The following BLVRA variants were observed in gnomAD, a reference collection of about 807,000 sequenced individuals.
BLVRA encodes biliverdin reductase A.
Under a neutral mutation model 32.8 loss-of-function variants are expected in BLVRA, and 22 were observed. That is an observed-to-expected ratio of 0.67 (90% CI 0.48 to 0.96). The LOEUF (loss-of-function observed/expected upper bound fraction) is 0.96, where lower values mean the gene tolerates loss of function less well. BLVRA is among the 40% of genes least tolerant of loss of function. The probability of loss-of-function intolerance (pLI) is 0.00; values close to 1 mark genes in which losing one functional copy is unlikely to be tolerated. For missense variants in BLVRA, 323 were observed against 358.1 expected, an observed-to-expected ratio of 0.90 and a Z score of 0.79; for synonymous variants, 119 against 141.3, an observed-to-expected ratio of 0.84 and a Z score of 1.12.
intron 5 of BLVRA, among the ~76,000 whole-genome samples, chr7:43,799,006 A>G (rs1563550768): frequency 6.6e-6 from 1 of 152,132 alleles, no homozygotes; most frequent in Non-Finnish European, 1.5e-5. Flanking sequence ...GGGCGAAACT[A>G]CCTGTGAGGA....
chr7:43,794,950 C>T (rs531089838), intron 5 of BLVRA, among the ~76,000 whole-genome samples: 1 of 152,262 alleles, frequency 6.6e-6, no homozygotes, highest in South Asian at 2.1e-4. Flanking sequence ...GTGGCTCATG[C>T]CTGTCATCCC....
chr7:43,805,071 C>T (rs1038055622), intron 7 of BLVRA, among the ~76,000 whole-genome samples: 6 of 152,068 alleles, frequency 3.9e-5, no homozygotes, highest in Admixed American at 1.3e-4. Flanking sequence ...GTTAGGATTG[C>T]AGCCGTGGTC....
Position 43,766,933 on chromosome 7 carries a change from G to A in BLVRA, c.-21-4205G>A, listed in dbSNP as rs531863716. On this transcript the variant is annotated intron_variant, in intron 1 of 7. Transcript: ENST00000265523. ...GATCACTTGAACCCAGGAGTTCGAC[G>A]TTGCAGTGAGCTGTGATCATGCGTG... 8.5e-5 allele frequency among the ~76,000 whole-genome samples: 13 copies of A among 152,266 alleles called. No individual in the cohort carries two copies. The South Asian group carries it at 2.5e-3, about 29-fold the overall frequency.
In BLVRA at chr7:43,800,787, A is replaced by G. The variant is rs373292462; in HGVS notation, c.460+215A>G. Reference sequence around the variant, plus strand: ...GCATATTTGTGCTCTGTCCCAACCTATTAACTAGTTGGAGATTATTTTTCA... The same window carrying G: ...GCATATTTGTGCTCTGTCCCAACCTGTTAACTAGTTGGAGATTATTTTTCA... On this transcript the variant is annotated intron_variant, in intron 6 of 7. Coordinates refer to ENST00000265523, the MANE Select transcript of BLVRA (RefSeq NM_000712.4). Among the ~76,000 whole-genome samples the G allele has an allele frequency of 7.3e-4, 111 of 152,266 alleles. 1 individual carries two copies. In the East Asian group the frequency reaches 0.019, roughly 27 times the overall value.
At chr7:43,769,757 C>T (rs1204765181) in intron 1 of BLVRA, among the ~76,000 whole-genome samples, 5 of 152,036 alleles carry the variant, frequency 3.3e-5, no homozygotes, top group East Asian at 1.9e-4. Context: ...TACAGGCATG[C>T]GCCACCACAC....
intron 1 of BLVRA, among the ~76,000 whole-genome samples, chr7:43,763,617 C>A (rs1163664219): frequency 6.6e-6 from 1 of 152,146 alleles, no homozygotes; most frequent in Non-Finnish European, 1.5e-5. Flanking sequence ...TGCTTTTGAC[C>A]CCTGGCTCTG....
At chr7:43,779,465 T>A (rs1190482767) in intron 2 of BLVRA, among the ~76,000 whole-genome samples, 1 of 152,240 alleles carries the variant, frequency 6.6e-6, no homozygotes, top group Non-Finnish European at 1.5e-5. Context: ...GTAAATTTTA[T>A]AAAAATTTAT....
intron 1 of BLVRA, among the ~76,000 whole-genome samples, chr7:43,764,640 T>C (rs896609251): frequency 1.3e-5 from 2 of 152,134 alleles, no homozygotes; most frequent in African/African-American, 2.4e-5. Context: ...ACAGAACCTT[T>C]GTGCCTGGGA....
chr7:43,789,342 C>T (rs893908762), intron 3 of BLVRA, among the ~76,000 whole-genome samples: 1 of 152,122 alleles, frequency 6.6e-6, no homozygotes, highest in African/African-American at 2.4e-5. Flanking sequence ...CCTCTTCCGG[C>T]CTGTCTCAAA....
At chr7:43,760,613 GAC>G (rs1250067487) in intron 1 of BLVRA, among the ~76,000 whole-genome samples, 1 of 151,928 alleles carries the variant, frequency 6.6e-6, no homozygotes, top group African/African-American at 2.4e-5. Context: ...ATTTGAAAAA[GAC>G]ATTGCATTAC....
At chr7:43,797,478 T>A (rs1315745285) in intron 5 of BLVRA, among the ~76,000 whole-genome samples, 1 of 152,250 alleles carries the variant, frequency 6.6e-6, no homozygotes. Flanking sequence ...AGTATAAACA[T>A]AACTTGTGTA....
intron 1 of BLVRA, among the ~76,000 whole-genome samples, chr7:43,763,421 G>GC (rs990207867): frequency 3.2e-4 from 49 of 152,294 alleles, no homozygotes; most frequent in African/African-American, 1.0e-3. Flanking sequence ...CAGTCAGCCT[G>GC]CCTGCTGAGG....
At chr7:43,772,620 T>C (rs1219680172) in intron 2 of BLVRA, among the ~76,000 whole-genome samples, 1 of 152,206 alleles carries the variant, frequency 6.6e-6, no homozygotes, top group African/African-American at 2.4e-5. Context: ...AGAGGTTTAA[T>C]TGACTCACAG....
intron 4 of BLVRA, 58 bp downstream of exon 4, chr7:43,791,426 G>A: frequency 3.7e-6 from 6 of 1,602,070 alleles, no homozygotes; most frequent in South Asian, 1.1e-5. Context: ...CTGCAAAAAT[G>A]AGCAAGCAAG....
chr7:43,790,169 T>C (rs1447886130), intron 3 of BLVRA, among the ~76,000 whole-genome samples: 1 of 151,958 alleles, frequency 6.6e-6, no homozygotes, highest in South Asian at 2.1e-4. Flanking sequence ...CATTCCCCCA[T>C]GACTGCCACC....
intron 2 of BLVRA, among the ~76,000 whole-genome samples, chr7:43,773,902 C>T (rs368175120): frequency 2.0e-5 from 3 of 152,116 alleles, no homozygotes; most frequent in East Asian, 3.9e-4. Context: ...ATGATGAGCA[C>T]TTTTTCATGT....
At chr7:43,785,678 C>T (rs1585728733) in intron 2 of BLVRA, among the ~76,000 whole-genome samples, 1 of 152,338 alleles carries the variant, frequency 6.6e-6, no homozygotes, top group South Asian at 2.1e-4. Flanking sequence ...GGCTGAGATC[C>T]TTTCCAGACG....
intron 5 of BLVRA, among the ~76,000 whole-genome samples, chr7:43,798,020 C>T (rs1254262300): frequency 6.6e-6 from 1 of 151,384 alleles, no homozygotes; most frequent in Non-Finnish European, 1.5e-5. Flanking sequence ...TGTGAAACCC[C>T]GTCTCTACTG....
At chr7:43,774,633 G>A (rs1257174556) in intron 2 of BLVRA, among the ~76,000 whole-genome samples, 2 of 152,116 alleles carry the variant, frequency 1.3e-5, no homozygotes, top group African/African-American at 2.4e-5. Context: ...CTCTTTTTTG[G>A]TTCCATATGA....
Sources: gnomAD v4.1 joint callset for allele counts (sites outside exome capture counted in the v4.1 genomes callset) on GRCh38, gnomAD v4.1.1 for gene constraint, MANE v1.5 for transcripts, NCBI Gene and HGNC (gene_info 2026-07-23, HGNC 2026-07-21) for gene names.